The following TSHR variants were observed in gnomAD, a reference collection of about 807,000 sequenced individuals.
TSHR encodes the protein thyrotropin receptor.
In TSHR, 51 loss-of-function variants were observed where a neutral mutation model predicts 64.1. The ratio of observed to expected loss-of-function variants is 0.80; its 90% CI spans 0.64 to 1.01. The LOEUF (loss-of-function observed/expected upper bound fraction) is 1.01, where lower values mean the gene tolerates loss of function less well. TSHR is among the 50% of genes least tolerant of loss of function. The pLI, the probability that TSHR is intolerant of heterozygous loss-of-function variation, is 0.00. For synonymous variants in TSHR, 361 were observed against 361.9 expected, an observed-to-expected ratio of 1.00 and a Z score of 0.03; for missense variants, 877 against 942.8, an observed-to-expected ratio of 0.93 and a Z score of 0.91.
intron 1 of TSHR, among the ~76,000 whole-genome samples, chr14:80,996,640 T>A (rs1889040028): frequency 6.6e-6 from 1 of 152,176 alleles, no homozygotes; most frequent in Non-Finnish European, 1.5e-5. Context: ...AATCTGGGCT[T>A]TAAGCAGTGG....
intron 1 of TSHR, among the ~76,000 whole-genome samples, chr14:80,999,306 A>G (rs781401583): frequency 2.0e-5 from 3 of 152,206 alleles, no homozygotes; most frequent in Non-Finnish European, 4.4e-5. Context: ...GCCATCATGG[A>G]CCAAATCAGA....
intron 1 of TSHR, among the ~76,000 whole-genome samples, chr14:81,010,699 C>A (rs1889858023): frequency 6.6e-6 from 1 of 152,032 alleles, no homozygotes; most frequent in South Asian, 2.1e-4. Flanking sequence ...TCATTAGAAA[C>A]CCCAGTACAA....
At chr14:80,972,121 C>T (rs1887616904) in intron 1 of TSHR, among the ~76,000 whole-genome samples, 2 of 152,250 alleles carry the variant, frequency 1.3e-5, no homozygotes, top group East Asian at 1.9e-4. Context: ...TACAAAACAC[C>T]TAGTTCTTCA....
intron 1 of TSHR, chr14:81,052,391 T>C (rs1885485991): frequency 6.6e-6 from 1 of 152,238 alleles, no homozygotes; most frequent in South Asian, 2.1e-4. Context: ...CTCTACCCTA[T>C]TCGATTCATT....
intron 3 of TSHR, among the ~76,000 whole-genome samples, chr14:81,070,452 C>G (rs1359579740): frequency 6.6e-6 from 1 of 151,484 alleles, no homozygotes; most frequent in East Asian, 1.9e-4. Flanking sequence ...CATGGTGAAA[C>G]CTTGTCTCTA....
At chr14:81,077,211 G>A (rs1475250478) in intron 3 of TSHR, among the ~76,000 whole-genome samples, 1 of 152,158 alleles carries the variant, frequency 6.6e-6, no homozygotes, top group African/African-American at 2.4e-5. Flanking sequence ...GCAGATGTTT[G>A]ATAATAATAG....
chr14:81,142,231 C>T (rs1287845386), intron 9 of TSHR, among the ~76,000 whole-genome samples: 1 of 152,166 alleles, frequency 6.6e-6, no homozygotes, highest in Non-Finnish European at 1.5e-5. Flanking sequence ...CAGGCACGTG[C>T]CACTACGCCT....
At position 81,019,994 on chromosome 14, in the gene TSHR, C is replaced by T. The variant is rs190919375; in HGVS notation, c.171-42154C>T. Among the ~76,000 whole-genome samples the T allele has an allele frequency of 2.6e-5, 4 of 152,230 alleles. No homozygotes were observed. The East Asian group carries it at 7.7e-4, about 29-fold the overall frequency. ...ATACCCAGTAATGGGATTGCTGGGT[C>T]AAATGGTATTTCTAGTTCTAGATCC... On this transcript the variant is annotated intron_variant, in intron 1 of 9. Coordinates refer to ENST00000298171, the MANE Select transcript of TSHR (RefSeq NM_000369.5).
chr14:81,001,797 A>C (rs1566757287), intron 1 of TSHR: 3 of 327,092 alleles, frequency 9.2e-6, no homozygotes, highest in African/African-American at 6.5e-5. Context: ...ACAGAAAACT[A>C]TTTTCACAGA....
intron 8 of TSHR, among the ~76,000 whole-genome samples, chr14:81,122,981 G>T (rs1303690507): frequency 6.6e-6 from 1 of 152,092 alleles, no homozygotes; most frequent in African/African-American, 2.4e-5. Flanking sequence ...ACAAAAATTA[G>T]CTAGGCGCGG....
At chr14:81,032,998 T>G (rs1884427996) in intron 1 of TSHR, 1 of 359,644 alleles carries the variant, frequency 2.8e-6, no homozygotes, top group East Asian at 7.4e-5. Context: ...CAAGCTGCTG[T>G]GTGGGGCAGA....
At chr14:81,030,970 A>T (rs1263718620) in intron 1 of TSHR, among the ~76,000 whole-genome samples, 1 of 151,614 alleles carries the variant, frequency 6.6e-6, no homozygotes, top group African/African-American at 2.4e-5. Context: ...ATATAAAATC[A>T]CAACAAGATA....
chr14:81,006,181 A>G (rs1039238776), intron 1 of TSHR, among the ~76,000 whole-genome samples: 3 of 152,194 alleles, frequency 2.0e-5, no homozygotes, highest in Non-Finnish European at 4.4e-5. Context: ...TAGTTCCCAT[A>G]TACTTTACAC....
chr14:81,079,389 G>A (rs967186340), intron 3 of TSHR, among the ~76,000 whole-genome samples: 3 of 152,120 alleles, frequency 2.0e-5, no homozygotes, highest in African/African-American at 7.2e-5. Flanking sequence ...TTTACCAAGC[G>A]TTAGTTTCTG....
intron 2 of TSHR, among the ~76,000 whole-genome samples, chr14:81,065,755 A>C (rs1676564075): frequency 6.6e-6 from 1 of 152,202 alleles, no homozygotes; most frequent in South Asian, 2.1e-4. Context: ...ATGAATGTTC[A>C]ATACATATTT....
intron 8 of TSHR, among the ~76,000 whole-genome samples, chr14:81,139,021 C>T (rs1233892763): frequency 1.3e-5 from 2 of 152,186 alleles, no homozygotes; most frequent in South Asian, 2.1e-4. Context: ...CACCACCCCC[C>T]TCACCCCATT....
At chr14:81,001,415 A>G (rs1207814721) in intron 1 of TSHR, 2 of 443,890 alleles carry the variant, frequency 4.5e-6, no homozygotes, top group East Asian at 1.2e-4. Flanking sequence ...GAGCTCTATA[A>G]GGCCAGTAGC....
At chr14:80,959,809 A>C (rs1886920240) in intron 1 of TSHR, among the ~76,000 whole-genome samples, 1 of 152,212 alleles carries the variant, frequency 6.6e-6, no homozygotes, top group South Asian at 2.1e-4. Context: ...TACTAAACTG[A>C]AGACAATCAT....
chr14:80,979,011 A>T (rs1888035424), intron 1 of TSHR, among the ~76,000 whole-genome samples: 1 of 152,228 alleles, frequency 6.6e-6, no homozygotes, highest in Non-Finnish European at 1.5e-5. Flanking sequence ...TGCTCACTAA[A>T]ATATCATACA....
Sources: gnomAD v4.1 joint callset for allele counts (sites outside exome capture counted in the v4.1 genomes callset) on GRCh38, gnomAD v4.1.1 for gene constraint, MANE v1.5 for transcripts, NCBI Gene and HGNC (gene_info 2026-07-23, HGNC 2026-07-21) for gene names.